The following LYPD6B variants were observed in gnomAD, a reference collection of about 807,000 sequenced individuals.
LYPD6B encodes ly6/PLAUR domain-containing protein 6B.
In LYPD6B, 17 loss-of-function variants were observed where a neutral mutation model predicts 22.8. The ratio of observed to expected loss-of-function variants is 0.75; its 90% CI spans 0.51 to 1.12. The LOEUF is 1.12. LYPD6B is among the 50% of genes most tolerant of loss of function. The pLI is 0.00. For missense variants in LYPD6B, 221 were observed against 258.3 expected (o/e 0.86, Z 0.99); for synonymous variants, 106 against 91.6 (o/e 1.16, Z -0.90).
chr2:149,176,386 A>G (rs570370975), intron 3 of LYPD6B, among the ~76,000 whole-genome samples: 62 of 152,376 alleles, frequency 4.1e-4, no homozygotes, highest in Middle Eastern at 3.4e-3. Context: ...GATGTGTCCA[A>G]GAGAGCAGAC....
chr2:149,176,104 T>A (rs1277666627), intron 3 of LYPD6B, among the ~76,000 whole-genome samples: 1 of 152,162 alleles, frequency 6.6e-6, no homozygotes, highest in Non-Finnish European at 1.5e-5. Context: ...AGCAGCACAG[T>A]AAGTTTGTTT....
intron 2 of LYPD6B, 34 bp from the exon 3 acceptor site, chr2:149,160,730 T>C: frequency 6.8e-7 from 1 of 1,460,598 alleles, no homozygotes. Context: ...TCGTCAGCAG[T>C]GGCTCTTTCC....
intron 1 of LYPD6B, among the ~76,000 whole-genome samples, chr2:149,049,269 A>C (rs1056427625): frequency 6.6e-6 from 1 of 152,176 alleles, no homozygotes; most frequent in African/African-American, 2.4e-5. Flanking sequence ...CCCTTCTCTA[A>C]TCTACCAGTT....
intron 2 of LYPD6B, among the ~76,000 whole-genome samples, chr2:149,154,730 G>A (rs1689592785): frequency 6.6e-6 from 1 of 152,040 alleles, no homozygotes; most frequent in African/African-American, 2.4e-5. Flanking sequence ...ATTGAAAAAT[G>A]AGACAGGTAC....
chr2:149,119,529 T>G (rs1687177285), intron 1 of LYPD6B, among the ~76,000 whole-genome samples: 1 of 152,228 alleles, frequency 6.6e-6, no homozygotes, highest in African/African-American at 2.4e-5. Flanking sequence ...GTGAACACAT[T>G]AACGATGAAC....
intron 2 of LYPD6B, among the ~76,000 whole-genome samples, chr2:149,159,589 CGTGTGTGTGTGTGTGTGT>C (rs60129822): frequency 6.9e-6 from 1 of 145,798 alleles, no homozygotes; most frequent in African/African-American, 2.5e-5. Context: ...CATATGTGTG[CGTGTGTGTGTGTGTGTGT>C]GTGTGTGTGT....
chr2:149,086,898 T>A (rs1414575340), intron 1 of LYPD6B, among the ~76,000 whole-genome samples: 2 of 152,172 alleles, frequency 1.3e-5, no homozygotes, highest in Non-Finnish European at 2.9e-5. Context: ...AATTTTCTTT[T>A]TGTTAAATAA....
chr2:149,143,577 A>G (rs1342523135), intron 2 of LYPD6B, among the ~76,000 whole-genome samples: 1 of 151,814 alleles, frequency 6.6e-6, no homozygotes, highest in African/African-American at 2.4e-5. Context: ...GAAATTAGCT[A>G]TGGGTGACAA....
intron 3 of LYPD6B, among the ~76,000 whole-genome samples, chr2:149,199,228 C>T (rs1209791593): frequency 4.6e-5 from 7 of 152,190 alleles, no homozygotes; most frequent in Admixed American, 1.3e-4. Flanking sequence ...TCCTGTGTGA[C>T]TCTAAGACTC....
At chr2:149,041,174 A>G (rs1034826724) in intron 1 of LYPD6B, among the ~76,000 whole-genome samples, 5 of 111,360 alleles carry the variant, frequency 4.5e-5, no homozygotes, top group African/African-American at 5.9e-5. Flanking sequence ...GTAGGATTCC[A>G]GAGGGACACT....
chr2:149,039,053 G>A (rs1337048722), intron 1 of LYPD6B, among the ~76,000 whole-genome samples: 3 of 151,908 alleles, frequency 2.0e-5, no homozygotes, highest in African/African-American at 2.4e-5. Context: ...ACGGGAGCAG[G>A]GGGCCGGGGC....
intron 3 of LYPD6B, among the ~76,000 whole-genome samples, chr2:149,171,222 A>G (rs1690795862): frequency 6.6e-6 from 1 of 152,118 alleles, no homozygotes; most frequent in South Asian, 2.1e-4. Flanking sequence ...GGAAGGCTCA[A>G]CCCAGGCAAA....
At chr2:149,209,032 T>G (rs1693679371) in intron 5 of LYPD6B, among the ~76,000 whole-genome samples, 1 of 152,078 alleles carries the variant, frequency 6.6e-6, no homozygotes, top group African/African-American at 2.4e-5. Flanking sequence ...TCAAGGGTGA[T>G]AGTTGGCTTG....
intron 4 of LYPD6B, among the ~76,000 whole-genome samples, chr2:149,206,510 C>G (rs1397836727): frequency 6.6e-6 from 1 of 152,040 alleles, no homozygotes; most frequent in Non-Finnish European, 1.5e-5. Flanking sequence ...AAAGACATGG[C>G]ACAGACATCA....
chr2:149,209,509 G>A (rs1274833184), intron 5 of LYPD6B, among the ~76,000 whole-genome samples: 2 of 152,060 alleles, frequency 1.3e-5, no homozygotes, highest in Non-Finnish European at 2.9e-5. Context: ...TCAGATATAA[G>A]AGGCCAAGAA....
intron 1 of LYPD6B, among the ~76,000 whole-genome samples, chr2:149,052,454 C>A (rs1277094896): frequency 6.6e-6 from 1 of 152,186 alleles, no homozygotes; most frequent in Non-Finnish European, 1.5e-5. Context: ...TACTATAAAT[C>A]TGGACAAAAT....
chr2:149,157,555 CAGT>C (rs1689787147), intron 2 of LYPD6B, among the ~76,000 whole-genome samples: 2 of 152,192 alleles, frequency 1.3e-5, no homozygotes, highest in African/African-American at 4.8e-5. Context: ...ATTCCCTTGC[CAGT>C]GTGCAAAAAT....
At chr2:149,145,137 G>A (rs1366198091) in intron 2 of LYPD6B, among the ~76,000 whole-genome samples, 1 of 152,086 alleles carries the variant, frequency 6.6e-6, no homozygotes, top group Non-Finnish European at 1.5e-5. Flanking sequence ...TAGGCTTCTT[G>A]GAATTAAAAT....
intron 3 of LYPD6B, 40 bp downstream of exon 3, chr2:149,160,875 T>G: frequency 7.0e-7 from 1 of 1,423,934 alleles, no homozygotes; most frequent in Non-Finnish European, 9.7e-7. Context: ...CGGCTTTTCA[T>G]TTGGGAGCTC....
Sources: allele counts gnomAD v4.1 joint callset (sites outside exome capture counted in the v4.1 genomes callset), GRCh38; gene constraint gnomAD v4.1.1; transcripts MANE v1.5; gene names NCBI Gene and HGNC (gene_info 2026-07-23, HGNC 2026-07-21).